Variants in ITGA2 observed in about 807,000 individuals in gnomAD.
ITGA2 encodes the protein integrin subunit alpha 2.
ITGA2 carries 101 observed loss-of-function variants against 146.3 expected under a neutral mutation model. That is an observed-to-expected ratio of 0.69 (90% confidence interval 0.59 to 0.81). The LOEUF (loss-of-function observed/expected upper bound fraction) is 0.81, where lower values mean the gene tolerates loss of function less well. Ranked by LOEUF, ITGA2 falls within the 40% of genes least tolerant of loss-of-function variation. The pLI is 0.00. For synonymous variants in ITGA2, 477 were observed against 487.1 expected (o/e 0.98, Z 0.27); for missense variants, 1,281 against 1,402.7 (o/e 0.91, Z 1.39).
In ITGA2 at chr5:53,091,076, A is replaced by T. The variant is rs1472696569; in HGVS notation, c.*477A>T. The stretch of plus-strand genomic sequence containing the variant: ...ATTTTAATGAATATTGATGTTAACA[A>T]GAGGGGAAAACAAAACACAGGTTTT... On this transcript the variant is annotated 3_prime_UTR_variant, in exon 30 of 30. Transcript: ENST00000296585. The T allele has an allele frequency of 4.5e-6, 1 of 222,862 alleles. No individual in the cohort carries two copies. The highest frequency in any genetic ancestry group is 9.5e-5 in the East Asian group (1 of 10,552). The allele number at this position is 222,862 out of a possible 1,614,324, so 13.8% of individuals were successfully genotyped here.
At chr5:53,065,156 T>G (rs1291447479) in intron 14 of ITGA2, 41 bp downstream of exon 14, 1 of 1,575,504 alleles carries the variant, frequency 6.3e-7, no homozygotes, top group Non-Finnish European at 8.7e-7. Flanking sequence ...TATTTGTGGG[T>G]CTTATCATAT....
intron 1 of ITGA2, among the ~76,000 whole-genome samples, chr5:52,999,250 C>T (rs1741450813): frequency 6.6e-6 from 1 of 151,680 alleles, no homozygotes; most frequent in Non-Finnish European, 1.5e-5. Context: ...AGGAGCCTGG[C>T]TCATAGTAAG....
chr5:53,072,563 G>T (rs761147149), intron 18 of ITGA2, 50 bp from the exon 19 acceptor site: 59 of 1,269,664 alleles, frequency 4.6e-5, no homozygotes, highest in Non-Finnish European at 6.0e-5. Context: ...TCTGTAATTT[G>T]CTTTTTCAAC....
chr5:53,041,266 A>G (rs1407717824), intron 2 of ITGA2, among the ~76,000 whole-genome samples: 1 of 152,146 alleles, frequency 6.6e-6, no homozygotes, highest in Non-Finnish European at 1.5e-5. Context: ...TGCTTCTGCA[A>G]GAAAACCCAT....
chr5:53,084,833 A>G (rs760320738), intron 27 of ITGA2, among the ~76,000 whole-genome samples: 11 of 152,208 alleles, frequency 7.2e-5, no homozygotes, highest in Non-Finnish European at 1.3e-4. Context: ...CCAGCTCTGT[A>G]AAACACATTT....
intron 27 of ITGA2, 136 bp from the exon 28 acceptor site, chr5:53,086,815 AG>A: frequency 1.4e-6 from 1 of 725,180 alleles, no homozygotes; most frequent in Non-Finnish European, 2.4e-6. Flanking sequence ...AAGCACACAC[AG>A]ATTCTGGATG....
At chr5:53,013,534 G>A (rs1218421932) in intron 1 of ITGA2, among the ~76,000 whole-genome samples, 1 of 151,988 alleles carries the variant, frequency 6.6e-6, no homozygotes, top group Non-Finnish European at 1.5e-5. Flanking sequence ...TTTGAAGTTG[G>A]ATAATATGAT....
chr5:53,048,234 T>C (rs761298899), intron 4 of ITGA2, 129 bp from the exon 5 acceptor site: 18 of 760,506 alleles, frequency 2.4e-5, no homozygotes, highest in Non-Finnish European at 3.7e-5. Context: ...TACTGACTCA[T>C]TGGTTTTGAG....
At chr5:53,029,490 T>C (rs1743122566) in intron 2 of ITGA2, among the ~76,000 whole-genome samples, 1 of 152,180 alleles carries the variant, frequency 6.6e-6, no homozygotes, top group Non-Finnish European at 1.5e-5. Flanking sequence ...GGAAGAGTCT[T>C]CCCTAAGATC....
At position 53,083,356 on chromosome 5, in the gene ITGA2, C is replaced by G; in HGVS notation, c.3161C>G (p.Ser1054Cys). The G allele has an allele frequency of 6.2e-7, 1 of 1,608,116 alleles. No homozygotes were observed. The highest frequency in any genetic ancestry group is 8.5e-7 in the Non-Finnish European group (1 of 1,174,654). The change falls in exon 27 of 30, where the codon TCC becomes TGC. Residue 1054 changes from serine (S) to cysteine (C), a missense_variant. Transcript: ENST00000296585. ...TACTATAAGAACTGCAGAACTGCTT[C>G]CTGTAGTAATGTTACCTGCTGGTTG... Reference protein sequence around the residue: ...HTKELNCRTASCSNVTCWLKD... With the variant: ...HTKELNCRTACCSNVTCWLKD...
intron 1 of ITGA2, among the ~76,000 whole-genome samples, chr5:52,992,351 C>G (rs552694613): frequency 6.6e-6 from 1 of 152,238 alleles, no homozygotes; most frequent in South Asian, 2.1e-4. Context: ...GCACAGGTCC[C>G]TATCTCCAGC....
intron 27 of ITGA2, among the ~76,000 whole-genome samples, chr5:53,084,708 G>A (rs1441135726): frequency 2.0e-5 from 3 of 152,178 alleles, no homozygotes; most frequent in Non-Finnish European, 4.4e-5. Flanking sequence ...GCAGTGTGGT[G>A]CTCAGTTTTG....
At position 53,021,581 on chromosome 5, in the gene ITGA2, G is replaced by C. The variant is rs554194028; in HGVS notation, c.65-5167G>C. On this transcript the variant is annotated intron_variant, in intron 1 of 29. Transcript: ENST00000296585. The stretch of plus-strand genomic sequence containing the variant: ...CTATTGCACCACGGCCCCTGCCCTC[G>C]GCATGCTCTAGTTGCTCACTATCCT... Among the ~76,000 whole-genome samples the C allele has an allele frequency of 2.6e-5, 4 of 152,010 alleles. No individual in the cohort carries two copies. In the East Asian group the frequency reaches 7.7e-4, roughly 29 times the overall value.
At chr5:53,012,881 G>A (rs562173905) in intron 1 of ITGA2, among the ~76,000 whole-genome samples, 10 of 151,894 alleles carry the variant, frequency 6.6e-5, no homozygotes, top group Non-Finnish European at 1.3e-4. Flanking sequence ...TATACTTGTT[G>A]GCCACATGTA....
chr5:53,044,274 C>CAAAAAAAAAAAAAAA lies in ITGA2; in HGVS notation c.296-709_296-695dup, dbSNP rs11421419. Among the ~76,000 whole-genome samples, 164 of 37,778 alleles carry CAAAAAAAAAAAAAAA rather than the reference C, an allele frequency of 4.3e-3. 13 individuals carry two copies. Among genetic ancestry groups the CAAAAAAAAAAAAAAA allele is most frequent in the African/African-American group, 5.6e-3 (37 of 6,556 alleles). 24.8% of individuals were successfully genotyped at this position (37,778 alleles called of 152,430 possible). A position where few individuals can be genotyped will look rare whatever the true frequency, so the allele number is the denominator to read the frequency against. ...TGGATGACAGAGTGAGACTCTGTCT[C>CAAAAAAAAAAAAAAA]AAAAAAAAAAAAAAAAAAAAAAAAA... On this transcript the variant is annotated intron_variant, in intron 3 of 29. Transcript: ENST00000296585.
intron 27 of ITGA2, among the ~76,000 whole-genome samples, chr5:53,086,261 C>T (rs943489543): frequency 8.5e-5 from 13 of 152,082 alleles, no homozygotes; most frequent in Admixed American, 2.6e-4. Context: ...AAAGTTATTT[C>T]GAATTAGTAA....
chr5:53,053,284 G>A (rs1744473360), intron 7 of ITGA2, among the ~76,000 whole-genome samples: 2 of 152,284 alleles, frequency 1.3e-5, no homozygotes, highest in African/African-American at 4.8e-5. Context: ...CCCCACAAGA[G>A]AAGATATGAT....
rs3212676 is a variant in ITGA2, at chr5:53,044,793, A to G, written c.296-208A>G. On this transcript the variant is annotated intron_variant, in intron 3 of 29. Transcript: ENST00000296585. ...TCCAGAGCCCACTCCTTACTGTCTT[A>G]TGCTCTGCAGCCTCACACATTAATG... Among the ~76,000 whole-genome samples, 783 of 152,316 alleles carry G rather than the reference A, an allele frequency of 5.1e-3. 4 individuals carry two copies. Among genetic ancestry groups the G allele is most frequent in the Middle Eastern group, 0.044 (13 of 294 alleles).
At chr5:53,082,275 G>A (rs1745958665) in intron 26 of ITGA2, among the ~76,000 whole-genome samples, 1 of 152,128 alleles carries the variant, frequency 6.6e-6, no homozygotes, top group Admixed American at 6.5e-5. Flanking sequence ...CCTTTAGTAA[G>A]CAATAACTCC....
Sources: allele counts gnomAD v4.1 joint callset (sites outside exome capture counted in the v4.1 genomes callset), GRCh38; gene constraint gnomAD v4.1.1; transcripts MANE v1.5; gene names NCBI Gene and HGNC (gene_info 2026-07-23, HGNC 2026-07-21).